Variants in CTNNA2 observed in about 807,000 individuals in gnomAD.
CTNNA2 encodes catenin alpha-2.
In CTNNA2, 42 loss-of-function variants were observed where a neutral mutation model predicts 101.0. The observed-to-expected ratio is 0.42, with a 90% CI of 0.32 to 0.54. CTNNA2 has a LOEUF of 0.54. Ranked by LOEUF, CTNNA2 falls within the 20% of genes least tolerant of loss-of-function variation. CTNNA2 has a pLI of 0.14. For synonymous variants in CTNNA2, 450 were observed against 456.4 expected (o/e 0.99, Z 0.18); for missense variants, 871 against 1,223.1 (o/e 0.71, Z 4.29).
chr2:80,145,799 G>T (rs1703295318), intron 7 of CTNNA2, among the ~76,000 whole-genome samples: 2 of 152,148 alleles, frequency 1.3e-5, no homozygotes, highest in Admixed American at 1.3e-4. Context: ...TTACAGAAAA[G>T]GTTTCATTTT....
At chr2:79,281,977 A>G (rs889193324) in intron 2 of CTNNA2, among the ~76,000 whole-genome samples, 3 of 152,148 alleles carry the variant, frequency 2.0e-5, no homozygotes, top group Non-Finnish European at 4.4e-5. Context: ...TACAAATTAT[A>G]ATTTATAATA....
chr2:80,338,558 T>C (rs189546141), intron 7 of CTNNA2, among the ~76,000 whole-genome samples: 85 of 152,294 alleles, frequency 5.6e-4, no homozygotes, highest in Non-Finnish European at 1.2e-3. Flanking sequence ...GTGGAAGTCC[T>C]TCAATGCTGA....
At chr2:80,318,238 C>G (rs997214368) in intron 7 of CTNNA2, among the ~76,000 whole-genome samples, 1 of 152,148 alleles carries the variant, frequency 6.6e-6, no homozygotes, top group African/African-American at 2.4e-5. Context: ...TATTAATCCC[C>G]TCCTTCTTTG....
chr2:79,867,333 T>TTCTA (rs10670844), intron 4 of CTNNA2, among the ~76,000 whole-genome samples: 110,574 of 150,806 alleles, frequency 0.73, 40,523 homozygotes, highest in East Asian at 0.93. Flanking sequence ...CCCTTCAATA[T>TTCTA]TCTATCTATC....
chr2:80,530,436 C>G (rs1229794050), intron 9 of CTNNA2, among the ~76,000 whole-genome samples: 1 of 152,130 alleles, frequency 6.6e-6, no homozygotes, highest in Admixed American at 6.5e-5. Flanking sequence ...AACCAGGAGG[C>G]CTTGTCAGAC....
intron 7 of CTNNA2, among the ~76,000 whole-genome samples, chr2:80,018,001 A>G (rs1694272927): frequency 6.6e-6 from 1 of 152,214 alleles, no homozygotes; most frequent in Non-Finnish European, 1.5e-5. Flanking sequence ...AAACATTATA[A>G]AATGTAATAT....
chr2:80,282,852 C>T (rs1674489223), intron 7 of CTNNA2, among the ~76,000 whole-genome samples: 1 of 151,916 alleles, frequency 6.6e-6, no homozygotes, highest in African/African-American at 2.4e-5. Flanking sequence ...ATTTAAAGGG[C>T]ACTCCAGATG....
chr2:80,053,781 G>A (rs1245847054), intron 7 of CTNNA2, among the ~76,000 whole-genome samples: 3 of 152,186 alleles, frequency 2.0e-5, no homozygotes, highest in African/African-American at 7.2e-5. Flanking sequence ...CACACAGTGA[G>A]GTAGCATAGC....
chr2:79,769,132 G>T (rs924665760), intron 3 of CTNNA2, among the ~76,000 whole-genome samples: 3 of 152,144 alleles, frequency 2.0e-5, no homozygotes, highest in African/African-American at 7.2e-5. Context: ...TGGGATTACA[G>T]GCATGAGCCA....
chr2:80,504,245 C>T (rs1203607490), intron 9 of CTNNA2, among the ~76,000 whole-genome samples: 1 of 152,104 alleles, frequency 6.6e-6, no homozygotes, highest in Non-Finnish European at 1.5e-5. Flanking sequence ...TCTTGCCAGC[C>T]GTTAGCCAGG....
intron 18 of CTNNA2, among the ~76,000 whole-genome samples, chr2:80,621,937 G>A (rs771338103): frequency 6.6e-6 from 1 of 151,868 alleles, no homozygotes; most frequent in Non-Finnish European, 1.5e-5. Context: ...GATACTTTTA[G>A]CTAGCTGAGA....
intron 9 of CTNNA2, among the ~76,000 whole-genome samples, chr2:80,476,770 G>GA (rs1161330886): frequency 1.9e-4 from 29 of 152,116 alleles, no homozygotes; most frequent in Non-Finnish European, 3.7e-4. Flanking sequence ...ATCATGGAAT[G>GA]AAAAATAGAA....
intron 2 of CTNNA2, among the ~76,000 whole-genome samples, chr2:79,272,643 T>C (rs1400970557): frequency 6.6e-6 from 1 of 152,110 alleles, no homozygotes; most frequent in African/African-American, 2.4e-5. Flanking sequence ...CTTGGTATAA[T>C]ACCTTGCCAC....
chr2:79,500,344 T>C (rs1182523192), intron 4 of CTNNA2, among the ~76,000 whole-genome samples: 2 of 152,228 alleles, frequency 1.3e-5, no homozygotes, highest in Non-Finnish European at 2.9e-5. Context: ...ATACAGGCAT[T>C]ATTCTTGTTT....
chr2:80,457,458 GAA>G (rs1684079664), intron 9 of CTNNA2, among the ~76,000 whole-genome samples: 1 of 151,948 alleles, frequency 6.6e-6, no homozygotes, highest in Admixed American at 6.6e-5. Flanking sequence ...AGTAAAAAAA[GAA>G]AGAAAAATGT....
chr2:80,564,213 C>T (rs1258479388), intron 12 of CTNNA2, among the ~76,000 whole-genome samples: 1 of 152,146 alleles, frequency 6.6e-6, no homozygotes, highest in African/African-American at 2.4e-5. Context: ...ATTTAAACAT[C>T]ACAGATGCCA....
At chr2:79,523,296 A>C (rs1239752099) in intron 1 of CTNNA2, 1 of 446,564 alleles carries the variant, frequency 2.2e-6, no homozygotes, top group Non-Finnish European at 4.5e-6. Context: ...TGCTTCAAAG[A>C]AATAGAGGTG....
intron 4 of CTNNA2, among the ~76,000 whole-genome samples, chr2:79,462,329 T>C (rs914777603): frequency 6.6e-6 from 1 of 152,206 alleles, no homozygotes; most frequent in African/African-American, 2.4e-5. Context: ...CTCTTCAAGA[T>C]AATTTATCTA....
intron 7 of CTNNA2, among the ~76,000 whole-genome samples, chr2:80,220,799 T>G (rs1001588753): frequency 5.3e-5 from 8 of 152,256 alleles, no homozygotes; most frequent in African/African-American, 1.9e-4. Flanking sequence ...TTATATATTT[T>G]CCATCTGAGT....
Sources: allele counts gnomAD v4.1 joint callset (sites outside exome capture counted in the v4.1 genomes callset), GRCh38; gene constraint gnomAD v4.1.1; transcripts MANE v1.5; gene names NCBI Gene and HGNC (gene_info 2026-07-23, HGNC 2026-07-21).